The following VTI1A variants were observed in gnomAD, a reference collection of about 807,000 sequenced individuals.
VTI1A encodes the protein vesicle transport through interaction with t-SNAREs homolog 1A.
VTI1A carries 22 observed loss-of-function variants against 34.9 expected under a neutral mutation model. The observed-to-expected ratio is 0.63, with a 90% CI of 0.45 to 0.90. VTI1A has a LOEUF of 0.90. Among genes scored for constraint, VTI1A ranks in the 40% least tolerant of loss-of-function variants. The pLI is 0.00. For missense variants in VTI1A, 268 were observed against 275.6 expected, an observed-to-expected ratio of 0.97 and a Z score of 0.20; for synonymous variants, 87 against 97.3, an observed-to-expected ratio of 0.89 and a Z score of 0.62.
chr10:112,513,325 C>G (rs2134185246), intron 3 of VTI1A, among the ~76,000 whole-genome samples: 1 of 151,928 alleles, frequency 6.6e-6, no homozygotes, highest in East Asian at 1.9e-4. Context: ...TTACGAATTT[C>G]CTTTTTGTAT....
chr10:112,555,720 A>G (rs1851520137), intron 5 of VTI1A, among the ~76,000 whole-genome samples: 5 of 152,050 alleles, frequency 3.3e-5, no homozygotes, highest in Non-Finnish European at 5.9e-5. Flanking sequence ...TAGAAATGTT[A>G]TACATTTTGT....
At chr10:112,851,044 C>T in the VTI1A span, among the ~76,000 whole-genome samples, 7 of 152,308 alleles carry the variant, frequency 4.6e-5, no homozygotes, top group Admixed American at 1.3e-4. Flanking sequence ...TGTTTCCTTC[C>T]GAACTCTGCT....
intron 7 of VTI1A, among the ~76,000 whole-genome samples, chr10:112,812,424 C>T (rs1314805527): frequency 6.6e-6 from 1 of 152,186 alleles, no homozygotes; most frequent in Non-Finnish European, 1.5e-5. Context: ...TGATTGTCTC[C>T]GAGCTCTGCA....
intron 7 of VTI1A, among the ~76,000 whole-genome samples, chr10:112,760,778 A>G (rs987306075): frequency 6.6e-6 from 1 of 151,612 alleles, no homozygotes; most frequent in African/African-American, 2.4e-5. Context: ...AATCCCAGGT[A>G]CCGGGGAGGC....
In VTI1A at chr10:112,618,520, T is replaced by TAG. The variant is rs1249234028; in HGVS notation, c.428-49697_428-49696insGA. 7.9e-3 allele frequency among the ~76,000 whole-genome samples: 363 copies of TAG among 46,134 alleles called. 1 individual carries two copies. Among genetic ancestry groups the TAG allele is most frequent in the East Asian group, 0.055 (60 of 1,082 alleles). 30.3% of individuals were successfully genotyped at this position (46,134 alleles called of 152,430 possible). On this transcript the variant is annotated intron_variant, in intron 5 of 7. Transcript: ENST00000393077. ...ATATATATATATATATATATATATATATATAGAGAGAGAGAGAGAGAGAGA... is the reference window on the plus strand; with the variant it reads ...ATATATATATATATATATATATATATAGATATAGAGAGAGAGAGAGAGAGAGA...
chr10:112,794,421 G>A (rs1025541921), intron 7 of VTI1A, among the ~76,000 whole-genome samples: 4 of 152,012 alleles, frequency 2.6e-5, no homozygotes, highest in African/African-American at 9.7e-5. Flanking sequence ...GTGTGGTCAT[G>A]CATGCCTGTG....
At chr10:112,520,414 A>C (rs1441032128) in intron 3 of VTI1A, among the ~76,000 whole-genome samples, 3 of 152,034 alleles carry the variant, frequency 2.0e-5, no homozygotes, top group Non-Finnish European at 2.9e-5. Context: ...TTCATGCTAA[A>C]TTTAAATTAC....
intron 5 of VTI1A, among the ~76,000 whole-genome samples, chr10:112,559,025 C>T (rs902271041): frequency 9.2e-5 from 14 of 152,194 alleles, no homozygotes; most frequent in Admixed American, 5.2e-4. Context: ...TTGAATCTTG[C>T]TGTGCCAATG....
intron 7 of VTI1A, among the ~76,000 whole-genome samples, chr10:112,805,492 T>C (rs1308662964): frequency 1.3e-5 from 2 of 152,230 alleles, no homozygotes; most frequent in East Asian, 3.8e-4. Flanking sequence ...TGTTTAGTTA[T>C]GGGTTAAATT....
At chr10:112,729,069 A>T (rs946925295) in intron 7 of VTI1A, among the ~76,000 whole-genome samples, 1 of 152,184 alleles carries the variant, frequency 6.6e-6, no homozygotes, top group Non-Finnish European at 1.5e-5. Flanking sequence ...GTTTAAAAAA[A>T]TAGCCTTCTT....
At chr10:112,622,631 T>A (rs1455588423) in intron 5 of VTI1A, among the ~76,000 whole-genome samples, 3 of 152,150 alleles carry the variant, frequency 2.0e-5, no homozygotes, top group Non-Finnish European at 4.4e-5. Flanking sequence ...TTCCTATAAT[T>A]TAGATTTTTA....
chr10:112,688,428 T>A (rs1848501089), intron 7 of VTI1A, among the ~76,000 whole-genome samples: 1 of 152,146 alleles, frequency 6.6e-6, no homozygotes, highest in Non-Finnish European at 1.5e-5. Context: ...TTGACATTTT[T>A]CTTCATATGG....
chr10:112,554,513 G>A (rs1851477523), intron 5 of VTI1A, among the ~76,000 whole-genome samples: 1 of 152,124 alleles, frequency 6.6e-6, no homozygotes, highest in African/African-American at 2.4e-5. Flanking sequence ...TGTGCCATGA[G>A]CATAATTTTT....
At chr10:112,475,496 A>G (rs925298546) in intron 3 of VTI1A, among the ~76,000 whole-genome samples, 10 of 152,228 alleles carry the variant, frequency 6.6e-5, no homozygotes, top group African/African-American at 2.4e-4. Flanking sequence ...TTATGGCAGA[A>G]GGAGCAAATT....
At chr10:112,452,753 A>G (rs1471686853) in intron 1 of VTI1A, among the ~76,000 whole-genome samples, 1 of 151,122 alleles carries the variant, frequency 6.6e-6, no homozygotes, top group African/African-American at 2.4e-5. Flanking sequence ...TTTTTTTTAA[A>G]TAAACTTTTT....
At chr10:112,695,737 C>T (rs1848760699) in intron 7 of VTI1A, among the ~76,000 whole-genome samples, 1 of 152,108 alleles carries the variant, frequency 6.6e-6, no homozygotes, top group African/African-American at 2.4e-5. Flanking sequence ...TGCCCACACC[C>T]AAGCAGCCCT....
chr10:112,565,174 T>C (rs1851869070), intron 5 of VTI1A, among the ~76,000 whole-genome samples: 1 of 152,160 alleles, frequency 6.6e-6, no homozygotes, highest in Non-Finnish European at 1.5e-5. Flanking sequence ...GGCCTCTGTT[T>C]AGTTGGCCTA....
At chr10:112,668,830 AT>A in intron 6 of VTI1A, 106 bp from the exon 7 acceptor site, 1 of 1,217,102 alleles carries the variant, frequency 8.2e-7, no homozygotes, top group South Asian at 1.3e-5. Context: ...GTATTTGAAC[AT>A]TTTTATTGTT....
At chr10:112,855,132 G>A in the VTI1A span, among the ~76,000 whole-genome samples, 8 of 152,050 alleles carry the variant, frequency 5.3e-5, no homozygotes, top group South Asian at 2.1e-4. Context: ...AGCTCGACCC[G>A]GGATGGGAAG....
Sources: allele counts gnomAD v4.1 joint callset (sites outside exome capture counted in the v4.1 genomes callset), GRCh38; gene constraint gnomAD v4.1.1; transcripts MANE v1.5; gene names NCBI Gene and HGNC (gene_info 2026-07-23, HGNC 2026-07-21).